LIMS1: variants seen among roughly 807,000 people sequenced by gnomAD.
LIMS1 encodes LIM zinc finger domain containing 1.
Under a neutral mutation model 44.1 loss-of-function variants are expected in LIMS1, and 18 were observed. The ratio of observed to expected loss-of-function variants is 0.41; its 90% CI spans 0.28 to 0.61. LIMS1 has a LOEUF of 0.61. Ranked by LOEUF, LIMS1 falls within the 20% of genes least tolerant of loss-of-function variation. LIMS1 has a pLI of 0.32. For missense variants in LIMS1, 201 were observed against 422.0 expected (o/e 0.48, Z 4.59); for synonymous variants, 93 against 149.1 (o/e 0.62, Z 2.74).
intron 2 of LIMS1, chr2:108,660,775 A>G (rs3096772): frequency 1.8e-3 from 324 of 182,712 alleles, no homozygotes; most frequent in Non-Finnish European, 2.2e-3. Flanking sequence ...ATAATCTAGA[A>G]ATGCTGACCC....
Position 108,553,349 on chromosome 2 carries a change from G to T in LIMS1, c.32+18755G>T, listed in dbSNP as rs566861754. Among the ~76,000 whole-genome samples the T allele has an allele frequency of 4.6e-5, 7 of 152,222 alleles. No homozygotes were observed. The South Asian group carries it at 1.2e-3, about 27-fold the overall frequency. Reference sequence around the variant, plus strand: ...TCATTGCTCCACGATTGAAGCAAATGACCTTTAACTGTTATATAAACTTGG... The same window carrying T: ...TCATTGCTCCACGATTGAAGCAAATTACCTTTAACTGTTATATAAACTTGG... On this transcript the variant is annotated intron_variant, in intron 1 of 9. Transcript: ENST00000544547.
chr2:108,681,768 AC>A, intron 9 of LIMS1: 1 of 194,358 alleles, frequency 5.1e-6, no homozygotes, highest in Non-Finnish European at 9.4e-6. Flanking sequence ...AAAAAAAAAA[AC>A]AAATTAGCCA....
At chr2:108,627,420 T>G (rs1297159929) in intron 1 of LIMS1, among the ~76,000 whole-genome samples, 1 of 84,194 alleles carries the variant, frequency 1.2e-5, no homozygotes, top group African/African-American at 4.1e-5. Flanking sequence ...TTTTTTTTTT[T>G]GCACTGCTAT....
chr2:108,545,471 T>C (rs1247730957), intron 1 of LIMS1, among the ~76,000 whole-genome samples: 3 of 152,226 alleles, frequency 2.0e-5, no homozygotes, highest in Non-Finnish European at 4.4e-5. Context: ...CTGACCTCGG[T>C]GATCCACCTG....
At chr2:108,584,957 GCCTGGCAACATGGTGAAACCCTGTCT>G (rs1338133690) in intron 1 of LIMS1, among the ~76,000 whole-genome samples, 1 of 151,988 alleles carries the variant, frequency 6.6e-6, no homozygotes, top group African/African-American at 2.4e-5. Context: ...TTCGACACCA[GCCTGGCAACATGGTGAAACCCTGTCT>G]CTACCAAAAA....
chr2:108,617,866 G>A (rs2148866083), intron 1 of LIMS1, among the ~76,000 whole-genome samples: 1 of 152,278 alleles, frequency 6.6e-6, no homozygotes, highest in East Asian at 1.9e-4. Flanking sequence ...GAGATCTGCT[G>A]GAGTCAAAGT....
chr2:108,631,550 C>CTTTTTTTTTTTTTTTTTT (rs67517304), intron 1 of LIMS1, among the ~76,000 whole-genome samples: 1 of 143,066 alleles, frequency 7.0e-6, no homozygotes, highest in Non-Finnish European at 1.5e-5. Flanking sequence ...ACCGTGTTGC[C>CTTTTTTTTTTTTTTTTTT]TTTTTTTTTT....
chr2:108,592,642 G>A (rs1462404757), intron 1 of LIMS1, among the ~76,000 whole-genome samples: 2 of 152,234 alleles, frequency 1.3e-5, no homozygotes, highest in East Asian at 3.9e-4. Flanking sequence ...CATAAGGAGC[G>A]TATACTTTTC....
intron 1 of LIMS1, among the ~76,000 whole-genome samples, chr2:108,568,866 G>A (rs1444751000): frequency 6.6e-6 from 1 of 151,974 alleles, no homozygotes; most frequent in Non-Finnish European, 1.5e-5. Context: ...TGCCCATGTT[G>A]TAACCAGGCT....
chr2:108,677,924 G>A, intron 7 of LIMS1, 55 bp from the exon 8 acceptor site: 2 of 1,530,604 alleles, frequency 1.3e-6, no homozygotes, highest in South Asian at 1.2e-5. Context: ...TAAATGTTCA[G>A]TGTTCTAAAA....
chr2:108,637,230 C>T (rs1443164975), intron 1 of LIMS1, among the ~76,000 whole-genome samples: 1 of 150,980 alleles, frequency 6.6e-6, no homozygotes, highest in East Asian at 1.9e-4. Context: ...TGTTCTGTGT[C>T]AAAAAGAAAA....
chr2:108,648,527 C>T (rs1332643925), intron 1 of LIMS1, among the ~76,000 whole-genome samples: 2 of 152,174 alleles, frequency 1.3e-5, no homozygotes, highest in African/African-American at 4.8e-5. Context: ...AAGAACAAAG[C>T]TGGAGGCATC....
At chr2:108,553,352 C>T (rs374993570) in intron 1 of LIMS1, among the ~76,000 whole-genome samples, 1 of 152,094 alleles carries the variant, frequency 6.6e-6, no homozygotes, top group African/African-American at 2.4e-5. Context: ...AGCAAATGAC[C>T]TTTAACTGTT....
chr2:108,572,528 A>T (rs577727781), intron 1 of LIMS1, among the ~76,000 whole-genome samples: 2 of 151,828 alleles, frequency 1.3e-5, no homozygotes, highest in South Asian at 2.1e-4. Context: ...GATTACAGGC[A>T]GGAGGATTAC....
At chr2:108,636,131 A>AGAGCT (rs1689231618) in intron 1 of LIMS1, among the ~76,000 whole-genome samples, 1 of 152,238 alleles carries the variant, frequency 6.6e-6, no homozygotes, top group Non-Finnish European at 1.5e-5. Context: ...CACGGACCCT[A>AGAGCT]GAGCTGAGTT....
intron 1 of LIMS1, among the ~76,000 whole-genome samples, chr2:108,560,326 C>G (rs544514988): frequency 2.0e-5 from 3 of 152,250 alleles, no homozygotes; most frequent in African/African-American, 7.2e-5. Flanking sequence ...TCCATTTTAC[C>G]CTAAGGAAAA....
At chr2:108,561,721 T>C (rs1489069182) in intron 1 of LIMS1, among the ~76,000 whole-genome samples, 1 of 151,548 alleles carries the variant, frequency 6.6e-6, no homozygotes, top group Non-Finnish European at 1.5e-5. Context: ...GTTGTGGTTC[T>C]CTGTGATCAG....
intron 1 of LIMS1, among the ~76,000 whole-genome samples, chr2:108,657,636 A>G (rs1690986461): frequency 6.6e-6 from 1 of 152,308 alleles, no homozygotes; most frequent in African/African-American, 2.4e-5. Context: ...TTTTTCCCCA[A>G]CCTACAGTAA....
intron 1 of LIMS1, among the ~76,000 whole-genome samples, chr2:108,594,985 A>G (rs962666385): frequency 2.0e-5 from 3 of 152,202 alleles, no homozygotes; most frequent in Non-Finnish European, 2.9e-5. Flanking sequence ...GCAAGAAAGC[A>G]GCTTCACCTG....
Sources: allele counts gnomAD v4.1 joint callset (sites outside exome capture counted in the v4.1 genomes callset), GRCh38; gene constraint gnomAD v4.1.1; transcripts MANE v1.5; gene names NCBI Gene and HGNC (gene_info 2026-07-23, HGNC 2026-07-21).